Variants in NAALADL2 observed in about 807,000 individuals in gnomAD.
The protein encoded by NAALADL2 is inactive N-acetylated-alpha-linked acidic dipeptidase-like protein 2.
Under a neutral mutation model 87.2 loss-of-function variants are expected in NAALADL2, and 76 were observed. That is an observed-to-expected ratio of 0.87 (90% CI 0.72 to 1.05). NAALADL2 has a LOEUF of 1.05. Among genes scored for constraint, NAALADL2 ranks in the 50% least tolerant of loss-of-function variants. NAALADL2 has a pLI of 0.00. For missense variants in NAALADL2, 1,089 were observed against 945.8 expected, an observed-to-expected ratio of 1.15 and a Z score of -1.99; for synonymous variants, 354 against 331.0, an observed-to-expected ratio of 1.07 and a Z score of -0.75.
chr3:175,496,127 G>A (rs1057291783), intron 9 of NAALADL2, among the ~76,000 whole-genome samples: 6 of 152,046 alleles, frequency 3.9e-5, no homozygotes, highest in Non-Finnish European at 7.4e-5. Context: ...CAAATAGTAA[G>A]TAAATTTAAA....
intron 11 of NAALADL2, among the ~76,000 whole-genome samples, chr3:175,641,505 C>G (rs1172856878): frequency 1.3e-5 from 2 of 152,048 alleles, no homozygotes; most frequent in Admixed American, 1.3e-4. Context: ...TAATTATTTG[C>G]TGAACAAATC....
rs573432187 is a variant in NAALADL2 at position 174,816,561 on chromosome 3, G to A, written c.-9+78815G>A. Among the ~76,000 whole-genome samples, 63 of 148,194 alleles carry A rather than the reference G, an allele frequency of 4.3e-4. 1 individual carries two copies. The South Asian group carries it at 0.012, about 29-fold the overall frequency. ...TTTTAATATATATAAATTATGTTAT[G>A]TAACATATATATAAATTATTACTTC... On this transcript the variant is annotated intron_variant, in intron 3 of 3. Coordinates refer to the NAALADL2 transcript ENST00000434257.
chr3:175,264,402 G>A (rs1354851417), intron 4 of NAALADL2, among the ~76,000 whole-genome samples: 2 of 151,510 alleles, frequency 1.3e-5, no homozygotes, highest in Non-Finnish European at 3.0e-5. Flanking sequence ...AAAGAGAAAG[G>A]GCATGAATTT....
At chr3:174,656,024 G>T (rs960775855) in intron 2 of NAALADL2, among the ~76,000 whole-genome samples, 1 of 152,138 alleles carries the variant, frequency 6.6e-6, no homozygotes. Flanking sequence ...CACATGCCGA[G>T]TTTAATATTT....
At chr3:174,582,705 C>T (rs988010930) in intron 2 of NAALADL2, among the ~76,000 whole-genome samples, 6 of 152,018 alleles carry the variant, frequency 3.9e-5, no homozygotes, top group African/African-American at 1.4e-4. Flanking sequence ...CCTCAGCCTC[C>T]CGAGTAGCTG....
chr3:174,723,755 CAAAAAAAAAAAAAAAAA>C (rs10663395), intron 2 of NAALADL2, among the ~76,000 whole-genome samples: 6 of 27,562 alleles, frequency 2.2e-4, no homozygotes, highest in African/African-American at 1.2e-3. Context: ...GACTCCGTCT[CAAAAAAAAAAAAAAAAA>C]AAAAAAAAAA....
chr3:174,897,923 C>A (rs1165208739), intron 1 of NAALADL2, among the ~76,000 whole-genome samples: 1 of 137,808 alleles, frequency 7.3e-6, no homozygotes, highest in East Asian at 2.0e-4. Context: ...ACCATCCCGG[C>A]TAAAACGGTG....
intron 4 of NAALADL2, among the ~76,000 whole-genome samples, chr3:175,274,236 C>G (rs1016450898): frequency 4.6e-5 from 7 of 152,116 alleles, no homozygotes; most frequent in African/African-American, 1.7e-4. Context: ...ACAGTCAGAT[C>G]TCATGAGACT....
At chr3:175,277,356 A>G (rs1334829586) in intron 4 of NAALADL2, among the ~76,000 whole-genome samples, 1 of 152,182 alleles carries the variant, frequency 6.6e-6, no homozygotes, top group African/African-American at 2.4e-5. Flanking sequence ...ATAACGAGCA[A>G]TAAACTGTAT....
chr3:175,367,216 T>C lies in NAALADL2; in HGVS notation c.1090+42891T>C, dbSNP rs896256533. On this transcript the variant is annotated intron_variant, in intron 5 of 13. Transcript: ENST00000454872. ...AGGGCTCTATTCTGTTCCATTGATC[T>C]ATATCTCTATTTTGGTACCAGTTCC... 2.2e-4 allele frequency among the ~76,000 whole-genome samples: 33 copies of C among 151,822 alleles called. 1 individual carries two copies. Among genetic ancestry groups the C allele is most frequent in the African/African-American group, 7.3e-4 (30 of 41,084 alleles).
At chr3:174,677,727 T>C (rs962710805) in intron 2 of NAALADL2, among the ~76,000 whole-genome samples, 1 of 152,084 alleles carries the variant, frequency 6.6e-6, no homozygotes, top group African/African-American at 2.4e-5. Flanking sequence ...ACTGAACTCA[T>C]GGTCGATAGC....
intron 1 of NAALADL2, among the ~76,000 whole-genome samples, chr3:174,970,904 T>C (rs1743538536): frequency 6.6e-6 from 1 of 152,084 alleles, no homozygotes; most frequent in Non-Finnish European, 1.5e-5. Context: ...AGGAGTGGCA[T>C]TGTATTAGTC....
chr3:175,649,380 G>A (rs866330294), intron 11 of NAALADL2, among the ~76,000 whole-genome samples: 1 of 148,010 alleles, frequency 6.8e-6, no homozygotes, highest in African/African-American at 2.5e-5. Context: ...TACTTGCCAA[G>A]CTCTTAACTG....
chr3:174,668,174 A>G lies in NAALADL2; in HGVS notation c.-114-69467A>G, dbSNP rs558980049. Among the ~76,000 whole-genome samples the G allele has an allele frequency of 8.6e-5, 13 of 152,032 alleles. No homozygotes were observed. In the South Asian group the frequency reaches 1.2e-3, roughly 15 times the overall value. On this transcript the variant is annotated intron_variant, in intron 2 of 3. Transcript: ENST00000434257. ...GTTATTTGCATGTCTTCCTTTGTCT[A>G]TTTAATTCCTTTGGGCATTTTTAAA...
At chr3:175,251,496 T>C (rs1749059724) in intron 3 of NAALADL2, among the ~76,000 whole-genome samples, 1 of 152,206 alleles carries the variant, frequency 6.6e-6, no homozygotes, top group African/African-American at 2.4e-5. Flanking sequence ...AGTAACTAGA[T>C]TTGTGCTCAT....
At chr3:174,746,860 A>G (rs1734310015) in intron 3 of NAALADL2, among the ~76,000 whole-genome samples, 1 of 152,192 alleles carries the variant, frequency 6.6e-6, no homozygotes, top group South Asian at 2.1e-4. Context: ...TGTGCTGGGA[A>G]AACTGGCTAG....
chr3:174,696,708 G>C (rs1259727852), intron 2 of NAALADL2, among the ~76,000 whole-genome samples: 1 of 148,210 alleles, frequency 6.7e-6, no homozygotes, highest in Non-Finnish European at 1.5e-5. Flanking sequence ...TGCATTTTTT[G>C]CTTTAATTTC....
intron 3 of NAALADL2, among the ~76,000 whole-genome samples, chr3:174,820,423 C>CA (rs1721289924): frequency 6.6e-6 from 1 of 151,850 alleles, no homozygotes; most frequent in African/African-American, 2.4e-5. Context: ...ATGGAAATTG[C>CA]AAAAAATATA....
At chr3:175,786,407 CTCT>C (rs1371863534) in intron 13 of NAALADL2, among the ~76,000 whole-genome samples, 2 of 152,130 alleles carry the variant, frequency 1.3e-5, no homozygotes, top group African/African-American at 4.8e-5. Flanking sequence ...TTGCTTTTTA[CTCT>C]TTTTTCTCTA....
Sources: gnomAD v4.1 joint callset for allele counts (sites outside exome capture counted in the v4.1 genomes callset) on GRCh38, gnomAD v4.1.1 for gene constraint, MANE v1.5 for transcripts, NCBI Gene and HGNC (gene_info 2026-07-23, HGNC 2026-07-21) for gene names.